The following MRPL1 variants were observed in gnomAD, a reference collection of about 807,000 sequenced individuals.
MRPL1 encodes the protein mitochondrial ribosomal protein L1.
In MRPL1, 28 loss-of-function variants were observed where a neutral mutation model predicts 38.0. The ratio of observed to expected loss-of-function variants is 0.74; its 90% CI spans 0.55 to 1.01. MRPL1 has a LOEUF of 1.01. Ranked by LOEUF, MRPL1 falls within the 50% of genes least tolerant of loss-of-function variation. MRPL1 has a pLI of 0.00. For missense variants in MRPL1, 358 were observed against 389.8 expected (o/e 0.92, Z 0.69); for synonymous variants, 123 against 126.7 (o/e 0.97, Z 0.20).
At chr4:77,938,577 G>A (rs993660525) in intron 7 of MRPL1, among the ~76,000 whole-genome samples, 3 of 152,114 alleles carry the variant, frequency 2.0e-5, no homozygotes, top group African/African-American at 7.2e-5. Flanking sequence ...AAATAGTGGT[G>A]GTGGTTTGTT....
chr4:77,931,327 A>G (rs1736838901), intron 7 of MRPL1, among the ~76,000 whole-genome samples: 1 of 152,258 alleles, frequency 6.6e-6, no homozygotes, highest in Non-Finnish European at 1.5e-5. Flanking sequence ...ACTATTGGTA[A>G]GGGGTTGATC....
intron 7 of MRPL1, among the ~76,000 whole-genome samples, chr4:77,918,912 A>G (rs989508324): frequency 1.3e-5 from 2 of 152,184 alleles, no homozygotes; most frequent in Admixed American, 1.3e-4. Flanking sequence ...CAACATTTCA[A>G]ATTATATAGT....
rs756944824 is a variant in MRPL1, at chr4:77,883,252, A to G, written c.154A>G (p.Lys52Glu). The change falls in exon 3 of 9, where the codon AAA (lysine) becomes GAA (glutamate). Residue 52 changes from lysine to glutamate, a missense_variant. Coordinates refer to ENST00000315567, the MANE Select transcript of MRPL1 (RefSeq NM_020236.4). Reference protein sequence around the residue: ...HFAAATKSAKKTKKGAKEKTP... With the variant: ...HFAAATKSAKETKKGAKEKTP... The stretch of plus-strand genomic sequence containing the variant: ...TTATTTTCTTTTAAGGTCTGCAAAG[A>G]AAACAAAAAAAGGTGCTAAAGAAAA... 1 of 1,569,158 alleles carries G rather than the reference A, an allele frequency of 6.4e-7. No individual in the cohort carries two copies. Among genetic ancestry groups the G allele is most frequent in the East Asian group, 2.2e-5 (1 of 44,466 alleles).
chr4:77,890,796 C>CA lies in MRPL1; in HGVS notation c.559-3339dup, dbSNP rs748306146. ...GCAACTTCAGCAAAGTCTCAGGATA[C>CA]AAAATCAATGTGCAAAAATCACAAG... is the stretch of plus-strand genomic sequence containing the variant. On this transcript the variant is annotated intron_variant, in intron 5 of 8. Coordinates refer to ENST00000315567, the MANE Select transcript of MRPL1 (RefSeq NM_020236.4). Among the ~76,000 whole-genome samples the CA allele has an allele frequency of 2.6e-5, 4 of 152,306 alleles. No individual in the cohort carries two copies. The South Asian group carries it at 6.2e-4, about 24-fold the overall frequency.
intron 7 of MRPL1, among the ~76,000 whole-genome samples, chr4:77,917,565 A>AT (rs2110252026): frequency 6.6e-6 from 1 of 152,186 alleles, no homozygotes; most frequent in South Asian, 2.1e-4. Flanking sequence ...GAATCTAAGC[A>AT]TAAAAAAAAA....
intron 7 of MRPL1, among the ~76,000 whole-genome samples, chr4:77,947,688 G>A (rs935285582): frequency 6.6e-6 from 1 of 152,128 alleles, no homozygotes; most frequent in African/African-American, 2.4e-5. Flanking sequence ...TCGTTTGCAA[G>A]TTTTGATAAA....
At chr4:77,867,209 A>G (rs1735166719) in intron 1 of MRPL1, among the ~76,000 whole-genome samples, 1 of 152,092 alleles carries the variant, frequency 6.6e-6, no homozygotes, top group Admixed American at 6.5e-5. Context: ...GAGGATAGGG[A>G]TTTTTATGTT....
intron 7 of MRPL1, among the ~76,000 whole-genome samples, chr4:77,944,522 T>C (rs1168965019): frequency 2.0e-5 from 3 of 152,178 alleles, no homozygotes; most frequent in Admixed American, 2.0e-4. Context: ...TATAAAGTGG[T>C]ATTTCTTATG....
intron 1 of MRPL1, among the ~76,000 whole-genome samples, chr4:77,866,174 C>T (rs1197805356): frequency 3.9e-5 from 6 of 152,160 alleles, no homozygotes; most frequent in African/African-American, 1.4e-4. Flanking sequence ...GTCTCAGCCT[C>T]CCGAGGAGCT....
intron 2 of MRPL1, among the ~76,000 whole-genome samples, chr4:77,875,596 G>A (rs192674921): frequency 2.4e-4 from 36 of 151,782 alleles, no homozygotes; most frequent in African/African-American, 8.7e-4. Context: ...AGGTTGCAGT[G>A]AGCCAAGATC....
At chr4:77,948,604 A>G (rs1476807625) in intron 7 of MRPL1, among the ~76,000 whole-genome samples, 1 of 152,178 alleles carries the variant, frequency 6.6e-6, no homozygotes, top group African/African-American at 2.4e-5. Flanking sequence ...GGATGATGAT[A>G]AAAGGATTTT....
chr4:77,909,575 C>T (rs1736240917), intron 7 of MRPL1, among the ~76,000 whole-genome samples: 1 of 152,026 alleles, frequency 6.6e-6, no homozygotes, highest in Non-Finnish European at 1.5e-5. Context: ...GAATTTCTTC[C>T]AGAGTTATGT....
chr4:77,868,750 G>A (rs1362109354), intron 1 of MRPL1, among the ~76,000 whole-genome samples: 1 of 152,178 alleles, frequency 6.6e-6, no homozygotes, highest in African/African-American at 2.4e-5. Context: ...GGAAGATTAT[G>A]AAAATTCTTA....
intron 8 of MRPL1, among the ~76,000 whole-genome samples, chr4:77,951,423 G>C (rs1253498173): frequency 6.6e-6 from 1 of 152,210 alleles, no homozygotes; most frequent in African/African-American, 2.4e-5. Context: ...AGTGTGTGTA[G>C]TTTGAAGGAT....
intron 1 of MRPL1, among the ~76,000 whole-genome samples, chr4:77,869,060 A>G (rs1341933812): frequency 2.6e-5 from 4 of 152,330 alleles, no homozygotes; most frequent in Non-Finnish European, 5.9e-5. Context: ...TCCAGGTGGT[A>G]GGTGATGGTA....
chr4:77,874,041 T>C (rs1735340159), intron 2 of MRPL1, among the ~76,000 whole-genome samples: 1 of 151,228 alleles, frequency 6.6e-6, no homozygotes, highest in Admixed American at 6.6e-5. Context: ...CACTGTCACC[T>C]GGGCTGGAGC....
intron 7 of MRPL1, among the ~76,000 whole-genome samples, chr4:77,911,596 AT>A (rs937535289): frequency 2.0e-5 from 3 of 151,956 alleles, no homozygotes; most frequent in African/African-American, 7.3e-5. Context: ...CTGAGCCTCA[AT>A]TTTTCCCCAT....
chr4:77,935,856 T>C (rs1736959256), intron 7 of MRPL1, among the ~76,000 whole-genome samples: 1 of 150,546 alleles, frequency 6.6e-6, no homozygotes. Flanking sequence ...CACTTGAACC[T>C]GCGAGGCAGA....
intron 6 of MRPL1, among the ~76,000 whole-genome samples, chr4:77,908,808 T>C (rs1316040097): frequency 1.3e-5 from 2 of 152,190 alleles, no homozygotes; most frequent in Non-Finnish European, 2.9e-5. Flanking sequence ...GGTTTCATCT[T>C]AGACTCAATG....
Sources: allele counts gnomAD v4.1 joint callset (sites outside exome capture counted in the v4.1 genomes callset), GRCh38; gene constraint gnomAD v4.1.1; transcripts MANE v1.5; gene names NCBI Gene and HGNC (gene_info 2026-07-23, HGNC 2026-07-21).